PDZD9: variants seen among roughly 807,000 people sequenced by gnomAD.
PDZD9 encodes the protein PDZ domain containing 9.
Under a neutral mutation model 16.3 loss-of-function variants are expected in PDZD9, and 13 were observed. The ratio of observed to expected loss-of-function variants is 0.80; its 90% CI spans 0.52 to 1.27. The LOEUF (loss-of-function observed/expected upper bound fraction) is 1.27, where lower values mean the gene tolerates loss of function less well. Ranked by LOEUF, PDZD9 falls within the 50% of genes most tolerant of loss-of-function variation. The pLI is 0.00. For missense variants in PDZD9, 288 were observed against 310.9 expected, an observed-to-expected ratio of 0.93 and a Z score of 0.55; for synonymous variants, 120 against 111.0, an observed-to-expected ratio of 1.08 and a Z score of -0.51.
At chr16:21,980,377 TG>T, downstream of PDZD9, 1 of 706,382 alleles carries the variant, frequency 1.4e-6, no homozygotes, top group South Asian at 2.0e-5. Context: ...TGTTTTAGTA[TG>T]TTCCAGAGAA....
chr16:21,987,312 C>G (rs981641199), intron 3 of PDZD9, among the ~76,000 whole-genome samples: 2 of 152,068 alleles, frequency 1.3e-5, no homozygotes, highest in South Asian at 4.1e-4. Context: ...CCCAGCTACC[C>G]TGGAGGCTGA....
At chr16:21,962,688 T>C in the PDZD9 span, 3 of 1,606,986 alleles carry the variant, frequency 1.9e-6, no homozygotes, top group South Asian at 3.3e-5. Context: ...TTGAGAGCAT[T>C]ACAGCTATGT....
chr16:21,985,701 A>G (rs546502553), intron 3 of PDZD9, among the ~76,000 whole-genome samples: 4 of 152,330 alleles, frequency 2.6e-5, no homozygotes, highest in Admixed American at 6.5e-5. Flanking sequence ...GCTAAAAGGA[A>G]ATAGGTTTCT....
chr16:21,980,251 C>T (rs1214007011), downstream of PDZD9: 3 of 302,672 alleles, frequency 9.9e-6, no homozygotes, highest in African/African-American at 6.4e-5. Context: ...TTAGGGAGCT[C>T]TCCAGCTGTC....
chr16:21,980,262 T>G, downstream of PDZD9: 1 of 324,132 alleles, frequency 3.1e-6, no homozygotes, highest in African/African-American at 2.1e-5. Flanking sequence ...TCCAGCTGTC[T>G]CACTCAAATC....
At chr16:21,980,640 C>G (rs781734076), downstream of PDZD9, 2 of 1,614,080 alleles carry the variant, frequency 1.2e-6, no homozygotes, top group Non-Finnish European at 1.7e-6. Context: ...CTGGTTCTTA[C>G]ATGCCACCAT....
chr16:22,000,846 G>GATC, intron 1 of PDZD9, among the ~76,000 whole-genome samples, 171 bp downstream of exon 1: 1 of 151,524 alleles, frequency 6.6e-6, no homozygotes, highest in African/African-American at 2.4e-5. Context: ...TGATGATGAT[G>GATC]ATGATGATGA....
chr16:21,970,008 T>C, the PDZD9 span, among the ~76,000 whole-genome samples: 3 of 152,080 alleles, frequency 2.0e-5, no homozygotes, highest in African/African-American at 4.8e-5. Context: ...AGCAATAATC[T>C]ACTTTGTCTC....
intron 2 of PDZD9, among the ~76,000 whole-genome samples, 167 bp from the exon 3 acceptor site, chr16:21,988,958 TCTAA>T (rs1331727608): frequency 1.4e-5 from 2 of 142,818 alleles, no homozygotes; most frequent in African/African-American, 2.7e-5. Context: ...TGAGATGAAG[TCTAA>T]CTGTCACCCA....
At chr16:21,964,996 C>T in the PDZD9 span, among the ~76,000 whole-genome samples, 12 of 152,158 alleles carry the variant, frequency 7.9e-5, no homozygotes, top group Non-Finnish European at 1.6e-4. Flanking sequence ...CTGACAATCT[C>T]CTTATTACCT....
intron 1 of PDZD9, chr16:21,999,241 A>G: frequency 4.7e-6 from 1 of 212,566 alleles, no homozygotes; most frequent in Admixed American, 4.4e-5. Context: ...AGTGCTCGCT[A>G]GGGCCCAGTG....
At chr16:21,971,497 A>G in the PDZD9 span, 1 of 1,558,790 alleles carries the variant, frequency 6.4e-7, no homozygotes, top group Non-Finnish European at 8.8e-7. Context: ...TTGTGGTTCT[A>G]GCTTTGTTTT....
the PDZD9 span, chr16:21,958,541 A>G: frequency 5.6e-6 from 9 of 1,612,312 alleles, no homozygotes; most frequent in Non-Finnish European, 7.6e-6. Flanking sequence ...CAAGACGACA[A>G]AAGGAGCTTC....
chr16:21,983,203 A>T (rs746814003), downstream of PDZD9: 18 of 1,578,168 alleles, frequency 1.1e-5, no homozygotes. Flanking sequence ...AGAGAGCTGA[A>T]CGTTCTCTCA....
the PDZD9 span, chr16:21,976,994 CTAAGT>C: frequency 1.3e-5 from 2 of 149,280 alleles, no homozygotes; most frequent in Non-Finnish European, 3.0e-5. Context: ...AGATTCCCAA[CTAAGT>C]TAAGAGTTAT....
At chr16:21,962,851 T>C in the PDZD9 span, 2 of 1,614,078 alleles carry the variant, frequency 1.2e-6, no homozygotes, top group Admixed American at 1.7e-5. Flanking sequence ...AGCTAAAGAT[T>C]GACAAAGCTG....
At chr16:21,976,236 G>T in the PDZD9 span, 8 of 1,613,042 alleles carry the variant, frequency 5.0e-6, no homozygotes, top group Non-Finnish European at 6.8e-6. Flanking sequence ...AGATGTCCAA[G>T]CTGCCAAGTA....
At chr16:21,982,702 C>T (rs183189494), downstream of PDZD9, among the ~76,000 whole-genome samples, 3 of 152,280 alleles carry the variant, frequency 2.0e-5, no homozygotes, top group Admixed American at 1.3e-4. Context: ...TGGTGGCTCA[C>T]GCCTGTAATC....
chr16:21,999,229 A>C (rs538937527), intron 1 of PDZD9: 1 of 203,410 alleles, frequency 4.9e-6, no homozygotes, highest in African/African-American at 2.3e-5. Context: ...AAACCTGAGG[A>C]AAGTGCTCGC....
Sources: gnomAD v4.1 joint callset for allele counts (sites outside exome capture counted in the v4.1 genomes callset) on GRCh38, gnomAD v4.1.1 for gene constraint, MANE v1.5 for transcripts, NCBI Gene and HGNC (gene_info 2026-07-23, HGNC 2026-07-21) for gene names.